The following ABCC6 variants were observed in gnomAD, a reference collection of about 807,000 sequenced individuals.
ABCC6 encodes ATP-binding cassette sub-family C member 6.
A neutral mutation model predicts 169.5 loss-of-function variants in ABCC6; 126 were observed. The ratio of observed to expected loss-of-function variants is 0.74; its 90% CI spans 0.64 to 0.86. The LOEUF (loss-of-function observed/expected upper bound fraction) is 0.86. ABCC6 is among the 40% of genes least tolerant of loss of function. The pLI is 0.00. For synonymous variants in ABCC6, 752 were observed against 814.7 expected (o/e 0.92, Z 1.31); for missense variants, 1,733 against 1,927.2 (o/e 0.90, Z 1.89).
chr16:16,202,513 A>T (rs1289182624), intron 8 of ABCC6, among the ~76,000 whole-genome samples: 1 of 152,040 alleles, frequency 6.6e-6, no homozygotes, highest in Non-Finnish European at 1.5e-5. Flanking sequence ...TAGGGCCTTT[A>T]AAGAGGCAAT....
At chr16:16,198,218 G>A in intron 9 of ABCC6, 36 bp from the exon 10 acceptor site, 1 of 1,559,084 alleles carries the variant, frequency 6.4e-7, no homozygotes, top group South Asian at 1.2e-5. Context: ...GTAAAGTGGG[G>A]AGGCCGGGGC....
At position 16,188,958 on chromosome 16, in the gene ABCC6, A is replaced by C. The variant is rs72653774; in HGVS notation, c.1652T>G (p.Phe551Cys). 1 of 1,613,888 alleles carries C rather than the reference A, an allele frequency of 6.2e-7. No individual in the cohort carries two copies. ...CTCGGCCACCAGAGTGTGGACAGCA[A>C]ACACCACCAGTGCGACCTGGGGGGT... ...VSTFLVALVV[F>C]AVHTLVAENA... Residue 551 changes from phenylalanine to cysteine, a missense_variant, in exon 13 of 31, where the codon TTT becomes TGT. By Grantham distance (205) the Phe-to-Cys change is radical. Coordinates refer to ENST00000205557, the MANE Select transcript of ABCC6 (RefSeq NM_001171.6).
chr16:16,186,791 C>T (rs547933503), intron 14 of ABCC6, among the ~76,000 whole-genome samples: 8 of 151,856 alleles, frequency 5.3e-5, no homozygotes, highest in Admixed American at 1.3e-4. Flanking sequence ...CAAAACCACG[C>T]GCCTCTCCCC....
chr16:16,156,244 A>T (rs1016446247), intron 27 of ABCC6, among the ~76,000 whole-genome samples: 1 of 152,148 alleles, frequency 6.6e-6, no homozygotes, highest in African/African-American at 2.4e-5. Context: ...CAAGGTCTGG[A>T]CCTCTGGCAA....
At chr16:16,209,981 T>C (rs2048545947) in intron 6 of ABCC6, among the ~76,000 whole-genome samples, 1 of 151,998 alleles carries the variant, frequency 6.6e-6, no homozygotes, top group South Asian at 2.1e-4. Flanking sequence ...TCTGTCAGGG[T>C]TGGCCTTCCA....
At position 16,178,952 on chromosome 16, in the gene ABCC6, G is replaced by C. The variant is rs866196138; in HGVS notation, c.2261C>G (p.Ser754Cys). 1.9e-6 allele frequency: 3 copies of C among 1,612,746 alleles called. No homozygotes were observed. In the Admixed American group the frequency reaches 5.0e-5, roughly 27 times the overall value. ...TSIGEQGMNLSGGQKQRLSLA... is the reference protein window; with the variant it reads ...TSIGEQGMNLCGGQKQRLSLA... ...GCTCAGCCGCTGCTTCTGGCCTCCG[G>C]AGAGATTCATGCCCTGTGGCCACAA... is the stretch of plus-strand genomic sequence containing the variant. The change falls in exon 18 of 31, where the codon TCC (serine) becomes TGC (cysteine). Residue 754 changes from serine (S) to cysteine (C), a missense_variant. Around this residue, in one of 5 missense-constraint regions of ABCC6, gnomAD observed 1,601 missense variants for 1,635.5 expected, o/e 0.98. Transcript: ENST00000205557.
intron 16 of ABCC6, 102 bp downstream of exon 16, chr16:16,182,702 G>T (rs2047516908): frequency 6.3e-7 from 1 of 1,580,692 alleles, no homozygotes; most frequent in East Asian, 2.3e-5. Flanking sequence ...GAGAGAATGA[G>T]TGAAAGTGAA....
intron 1 of ABCC6, 58 bp from the exon 2 acceptor site, chr16:16,221,889 C>T (rs1252399141): frequency 2.2e-5 from 36 of 1,612,026 alleles, no homozygotes; most frequent in Non-Finnish European, 2.9e-5. Context: ...CCCAGCTCAC[C>T]TGCCCAGGGG....
chr16:16,202,017 C>A lies in ABCC6; in HGVS notation c.1160G>T (p.Gly387Val), dbSNP rs771256512. 3.1e-6 allele frequency: 5 copies of A among 1,614,028 alleles called. No homozygotes were observed. Among genetic ancestry groups the A allele is most frequent in the Non-Finnish European group, 4.2e-6 (5 of 1,179,886 alleles). The change falls in exon 9 of 31, where the codon GGC (glycine) becomes GTC (valine). Residue 387 changes from glycine to valine, a missense_variant. Physicochemically the swap from Gly to Val is moderately radical, Grantham distance 109. Transcript: ENST00000205557. ...AGGGCTCACCTTTCTGTACACCAGG[C>A]CAGTGATGGCCGACCGCAACCTCAT... The part of the protein sequence containing the change: ...LQMRLRSAIT[G>V]LVYRKVLALS...
Position 16,154,738 on chromosome 16 carries a change from G to A in ABCC6, c.4098C>T (p.His1366=). ...GGGCTGCCCAGATAGCCTCGTCCGA[G>A]TGCTCCTGCAGCAGGTCGAGGTTCA... ...LRMNLDLLQE[H]SDEAIWAALE... Residue 1366 remains histidine (H), a synonymous_variant, in exon 29 of 31, where the codon CAC becomes CAT. Coordinates refer to ENST00000205557, the MANE Select transcript of ABCC6 (RefSeq NM_001171.6). The A allele has an allele frequency of 1.9e-6, 3 of 1,613,332 alleles. No homozygotes were observed. Among genetic ancestry groups the A allele is most frequent in the Non-Finnish European group, 2.5e-6 (3 of 1,179,778 alleles).
intron 25 of ABCC6, 124 bp downstream of exon 25, chr16:16,161,314 G>A: frequency 7.2e-7 from 1 of 1,392,716 alleles, no homozygotes; most frequent in Non-Finnish European, 9.9e-7. Context: ...GTCCCTCCTT[G>A]GTGGAGGGAC....
intron 9 of ABCC6, 114 bp downstream of exon 9, chr16:16,201,887 T>A: frequency 8.7e-7 from 1 of 1,147,106 alleles, no homozygotes; most frequent in East Asian, 2.4e-5. Context: ...GTATGGTGAG[T>A]GACTCTAATA....
In ABCC6 at chr16:16,203,412, G is replaced by C. The variant is rs1015586244; in HGVS notation, c.996C>G (p.Leu332=). Residue 332 remains leucine, a splice_region_variant and synonymous_variant, in exon 8 of 31, where the codon CTC becomes CTG. Coordinates refer to ENST00000205557, the MANE Select transcript of ABCC6 (RefSeq NM_001171.6). ...DVFRFTVPKL[L]SLFLEFIGDP... ...GGCACTTGAGGTCTGGGACTCACCTGAGCAGCTTGGGGACAGTGAACCTGA... is the reference window on the plus strand; with the variant it reads ...GGCACTTGAGGTCTGGGACTCACCTCAGCAGCTTGGGGACAGTGAACCTGA... 3.7e-6 allele frequency: 6 copies of C among 1,613,914 alleles called. No individual in the cohort carries two copies. Among genetic ancestry groups the C allele is most frequent in the Non-Finnish European group, 5.1e-6 (6 of 1,179,846 alleles).
intron 9 of ABCC6, among the ~76,000 whole-genome samples, chr16:16,198,556 C>G (rs1242385023): frequency 6.6e-6 from 1 of 152,018 alleles, no homozygotes; most frequent in East Asian, 1.9e-4. Flanking sequence ...TATTCATTCC[C>G]TCTAATGCCA....
rs578175155 is a variant in ABCC6 at position 16,154,799 on chromosome 16, C to T, written c.4042-5G>A. On this transcript the variant is annotated splice_region_variant and splice_polypyrimidine_tract_variant and intron_variant, in intron 28 of 30. Coordinates refer to ENST00000205557, the MANE Select transcript of ABCC6 (RefSeq NM_001171.6). Reference sequence around the variant, plus strand: ...GCCAGGGAACAGGATGGGGTCCTGGCGGGGAGGGGCGGTGGGTCAGAGCCG... The same window carrying T: ...GCCAGGGAACAGGATGGGGTCCTGGTGGGGAGGGGCGGTGGGTCAGAGCCG... 1.7e-5 allele frequency: 28 copies of T among 1,608,170 alleles called. No homozygotes were observed. In the East Asian group the frequency reaches 2.2e-4, roughly 13 times the overall value.
intron 14 of ABCC6, among the ~76,000 whole-genome samples, 179 bp from the exon 15 acceptor site, chr16:16,185,213 T>C (rs954351051): frequency 9.8e-5 from 15 of 152,362 alleles, no homozygotes; most frequent in African/African-American, 3.1e-4. Flanking sequence ...GCAGGGTTCT[T>C]GTTCTGTCCG....
chr16:16,161,498 C>G lies in ABCC6; in HGVS notation c.3573G>C (p.Val1191=). Residue 1191 remains valine (V), a synonymous_variant, in exon 25 of 31, where the codon GTG becomes GTC. Transcript: ENST00000205557. ...CAGCACTGAGGTGGGCTTTGCTCAG[C>G]ACAGCACACGTGGCAGCTGCAAACA... is the stretch of plus-strand genomic sequence containing the variant. ...GLVFAAATCA[V]LSKAHLSAGL... 2 of 1,613,980 alleles carry G rather than the reference C, an allele frequency of 1.2e-6. No homozygotes were observed. The highest frequency in any genetic ancestry group is 1.7e-6 in the Non-Finnish European group (2 of 1,180,038).
intron 21 of ABCC6, among the ~76,000 whole-genome samples, chr16:16,170,777 C>T (rs900244818): frequency 5.9e-5 from 9 of 151,504 alleles, no homozygotes; most frequent in African/African-American, 2.2e-4. Flanking sequence ...AAATTAGCCA[C>T]GTGTGGTGGC....
rs11859889 is a variant in ABCC6, at chr16:16,189,086, G to A, written c.1636-112C>T. ...TCCATGTGGCCCACCCGCCATGTCC[G>A]CATGTGCTTCCCTCCGTAGATCCCA... On this transcript the variant is annotated intron_variant, in intron 12 of 30. Transcript: ENST00000205557. 8.4e-3 allele frequency: 10,764 copies of A among 1,275,108 alleles called. 641 individuals carry two copies. The African/African-American group carries it at 0.13, about 16-fold the overall frequency. The allele number at this position is 1,275,108 out of a possible 1,614,324, so 79.0% of individuals were successfully genotyped here.
Sources: allele counts gnomAD v4.1 joint callset (sites outside exome capture counted in the v4.1 genomes callset), GRCh38; gene constraint gnomAD v4.1.1; regional missense constraint gnomAD v4.1.1; transcripts MANE v1.5; gene names NCBI Gene and HGNC (gene_info 2026-07-23, HGNC 2026-07-21).